The following ADGRB3 variants were observed in gnomAD, a reference collection of about 807,000 sequenced individuals.
ADGRB3 encodes adhesion G protein-coupled receptor B3.
ADGRB3 carries 37 observed loss-of-function variants against 193.4 expected under a neutral mutation model. That is an observed-to-expected ratio of 0.19 (90% CI 0.15 to 0.25). ADGRB3 has a LOEUF of 0.25. ADGRB3 is among the 10% of genes least tolerant of loss of function. The pLI is 1.00. For synonymous variants in ADGRB3, 690 were observed against 644.2 expected (o/e 1.07, Z -1.08); for missense variants, 1,637 against 1,852.9 (o/e 0.88, Z 2.14).
At chr6:69,362,583 G>A (rs1243751855) in intron 29 of ADGRB3, among the ~76,000 whole-genome samples, 1 of 151,902 alleles carries the variant, frequency 6.6e-6, no homozygotes, top group Non-Finnish European at 1.5e-5. Flanking sequence ...ACAATAAATG[G>A]TAATGTGAAT....
intron 30 of ADGRB3, among the ~76,000 whole-genome samples, chr6:69,378,584 TG>T (rs1769878707): frequency 6.6e-6 from 1 of 152,166 alleles, no homozygotes; most frequent in Admixed American, 6.6e-5. Context: ...TGTGGCCCAA[TG>T]ATAAGTGTTT....
At chr6:69,187,477 A>G (rs1765096416) in intron 17 of ADGRB3, among the ~76,000 whole-genome samples, 2 of 152,178 alleles carry the variant, frequency 1.3e-5, no homozygotes, top group Admixed American at 1.3e-4. Flanking sequence ...TCTCTGCTAA[A>G]TGATGTTTTC....
chr6:69,262,235 T>C (rs543264103), intron 20 of ADGRB3, among the ~76,000 whole-genome samples: 5 of 152,180 alleles, frequency 3.3e-5, no homozygotes, highest in Admixed American at 3.3e-4. Context: ...AGCATAATTT[T>C]ATTTGCCTGC....
chr6:69,075,388 G>A (rs1038536378), intron 16 of ADGRB3, among the ~76,000 whole-genome samples: 1 of 152,102 alleles, frequency 6.6e-6, no homozygotes, highest in Non-Finnish European at 1.5e-5. Context: ...TGAAGGTCAC[G>A]GCAGGTACTC....
chr6:69,271,668 A>G (rs1374859729), intron 20 of ADGRB3, among the ~76,000 whole-genome samples: 2 of 152,152 alleles, frequency 1.3e-5, no homozygotes, highest in Non-Finnish European at 2.9e-5. Flanking sequence ...AAATGTAAAC[A>G]TACTTAGTAT....
chr6:69,256,248 T>A (rs1238084919), intron 20 of ADGRB3, among the ~76,000 whole-genome samples: 1 of 151,868 alleles, frequency 6.6e-6, no homozygotes, highest in Non-Finnish European at 1.5e-5. Flanking sequence ...AGAAAGTCAT[T>A]GGTAGCTTGA....
chr6:68,795,876 G>T (rs1333190089), intron 3 of ADGRB3, among the ~76,000 whole-genome samples: 1 of 152,014 alleles, frequency 6.6e-6, no homozygotes, highest in Non-Finnish European at 1.5e-5. Flanking sequence ...TTTAAAATCT[G>T]TCTATGAGCT....
chr6:68,784,372 T>G (rs1582198672), intron 3 of ADGRB3, among the ~76,000 whole-genome samples: 1 of 152,118 alleles, frequency 6.6e-6, no homozygotes, highest in African/African-American at 2.4e-5. Flanking sequence ...ACATATCACC[T>G]TGATCTGAGA....
intron 3 of ADGRB3, among the ~76,000 whole-genome samples, chr6:68,865,769 T>C (rs772487335): frequency 3.0e-4 from 46 of 152,264 alleles, no homozygotes; most frequent in Non-Finnish European, 5.1e-4. Flanking sequence ...TCTGTCTACC[T>C]TCCTGCTGTC....
chr6:69,049,384 A>G lies in ADGRB3; in HGVS notation c.2333+38A>G, dbSNP rs768949243. 44 of 1,439,750 alleles carry G rather than the reference A, an allele frequency of 3.1e-5. No homozygotes were observed. The South Asian group carries it at 3.7e-4, about 12-fold the overall frequency. The allele number at this position is 1,439,750 out of a possible 1,614,324, so 89.2% of individuals were successfully genotyped here. A position where few individuals can be genotyped will look rare whatever the true frequency, so the allele number is the denominator to read the frequency against. ...GTAATAAACTGTTGTAATTTTGTAA[A>G]TTATTCCAAAATGTGATTATAGCTC... On this transcript the variant is annotated intron_variant, in intron 15 of 31. Coordinates refer to ENST00000370598, the MANE Select transcript of ADGRB3 (RefSeq NM_001704.3).
chr6:69,210,169 T>TATATATATATATATATATATATATATAC (rs1195654301), intron 17 of ADGRB3, among the ~76,000 whole-genome samples: 1 of 131,118 alleles, frequency 7.6e-6, no homozygotes. Context: ...TATATATATA[T>TATATATATATATATATATATATATATAC]AAAGGGGAGT....
At chr6:68,775,211 C>T (rs1766715098) in intron 3 of ADGRB3, among the ~76,000 whole-genome samples, 1 of 150,640 alleles carries the variant, frequency 6.6e-6, no homozygotes, top group Non-Finnish European at 1.5e-5. Context: ...CTCCAGTCTG[C>T]ATTTCCCAGT....
At chr6:68,857,759 G>C (rs1181015744) in intron 3 of ADGRB3, among the ~76,000 whole-genome samples, 2 of 152,156 alleles carry the variant, frequency 1.3e-5, no homozygotes, top group Non-Finnish European at 2.9e-5. Flanking sequence ...GAAATGTGAA[G>C]ATGTGAGATT....
At chr6:69,111,524 T>C (rs1773366045) in intron 17 of ADGRB3, among the ~76,000 whole-genome samples, 1 of 152,216 alleles carries the variant, frequency 6.6e-6, no homozygotes, top group Non-Finnish European at 1.5e-5. Context: ...GGAAGCCTCA[T>C]AGAGAAACAG....
At chr6:68,850,385 A>T (rs1488341472) in intron 3 of ADGRB3, among the ~76,000 whole-genome samples, 2 of 151,806 alleles carry the variant, frequency 1.3e-5, no homozygotes, top group Non-Finnish European at 2.9e-5. Context: ...ATTGGGTTAC[A>T]TTTTTGTTAC....
chr6:69,382,780 G>A (rs1212657795), intron 30 of ADGRB3, 51 bp from the exon 31 acceptor site: 1 of 1,345,130 alleles, frequency 7.4e-7, no homozygotes, highest in South Asian at 1.3e-5. Context: ...TCTCTTGTTT[G>A]AAAAACATAC....
chr6:68,705,695 C>T (rs553519137), intron 3 of ADGRB3, among the ~76,000 whole-genome samples: 5 of 152,260 alleles, frequency 3.3e-5, no homozygotes, highest in Admixed American at 2.6e-4. Flanking sequence ...CAGGGACTAG[C>T]GCTGAAGAAA....
chr6:68,860,622 C>T (rs1765125660), intron 3 of ADGRB3, among the ~76,000 whole-genome samples: 1 of 152,162 alleles, frequency 6.6e-6, no homozygotes, highest in African/African-American at 2.4e-5. Context: ...ATATATGCCA[C>T]ATATTCTTTA....
intron 10 of ADGRB3, among the ~76,000 whole-genome samples, chr6:68,993,532 A>G (rs945944448): frequency 1.3e-4 from 20 of 152,176 alleles, no homozygotes; most frequent in Admixed American, 9.8e-4. Flanking sequence ...TGTTCTAACT[A>G]GAAATGGCAA....
Sources: gnomAD v4.1 joint callset for allele counts (sites outside exome capture counted in the v4.1 genomes callset) on GRCh38, gnomAD v4.1.1 for gene constraint, MANE v1.5 for transcripts, NCBI Gene and HGNC (gene_info 2026-07-23, HGNC 2026-07-21) for gene names.